The following GMPS variants were observed in gnomAD, a reference collection of about 807,000 sequenced individuals.
GMPS encodes the protein guanosine monophosphate synthase.
In GMPS, 15 loss-of-function variants were observed where a neutral mutation model predicts 77.9. The observed-to-expected ratio is 0.19, with a 90% CI of 0.13 to 0.30. GMPS has a LOEUF of 0.30. Ranked by LOEUF, GMPS falls within the 10% of genes least tolerant of loss-of-function variation. The probability of loss-of-function intolerance (pLI) is 1.00; values close to 1 mark genes in which losing one functional copy is unlikely to be tolerated. For missense variants in GMPS, 590 were observed against 838.8 expected (o/e 0.70, Z 3.66); for synonymous variants, 224 against 275.9 (o/e 0.81, Z 1.86).
At position 155,939,338 on chromosome 3, in the gene GMPS, C is replaced by T. The variant is rs1020217930; in HGVS notation, c.*1646C>T. The T allele has an allele frequency of 5.2e-5, 11 of 210,350 alleles. No homozygotes were observed. The highest frequency in any genetic ancestry group is 8.7e-5 in the Non-Finnish European group (9 of 103,838). 13.0% of individuals were successfully genotyped at this position (210,350 alleles called of 1,614,324 possible). On this transcript the variant is annotated 3_prime_UTR_variant, in exon 16 of 16. Coordinates refer to ENST00000496455, the MANE Select transcript of GMPS (RefSeq NM_003875.3). Reference sequence around the variant, plus strand: ...ATGCTTACCAACATGTGTCAGTACACGTTTATGTTTATATGAAAAAAAATT... The same window carrying T: ...ATGCTTACCAACATGTGTCAGTACATGTTTATGTTTATATGAAAAAAAATT...
At chr3:155,870,472 C>CG (rs970530046), upstream of GMPS, 2 of 198,050 alleles carry the variant, frequency 1.0e-5, no homozygotes, top group African/African-American at 4.6e-5. Flanking sequence ...GCGGGAGACC[C>CG]GGCCGGCTTT....
chr3:155,932,273 AAGTAAC>A (rs1301828977), intron 13 of GMPS, among the ~76,000 whole-genome samples: 1 of 140,550 alleles, frequency 7.1e-6, no homozygotes, highest in East Asian at 2.0e-4. Context: ...ATTACAAATA[AAGTAAC>A]ACACACACAC....
chr3:155,875,319 C>T (rs1190943827), intron 1 of GMPS, among the ~76,000 whole-genome samples: 2 of 152,162 alleles, frequency 1.3e-5, no homozygotes, highest in African/African-American at 4.8e-5. Flanking sequence ...CAACCTCCGC[C>T]TCCCAGGCTC....
At position 155,936,417 on chromosome 3, in the gene GMPS, T is replaced by C. The variant is rs1312267454; in HGVS notation, c.1887T>C (p.Pro629=). 7 of 1,608,184 alleles carry C rather than the reference T, an allele frequency of 4.4e-6. No homozygotes were observed. The highest frequency in any genetic ancestry group is 5.1e-6 in the Non-Finnish European group (6 of 1,174,816). ...ATCGGGACCCACTTCAAAAGCAGCC[T>C]TCATGCCAGAGATCTGTGGTTATTC... is the stretch of plus-strand genomic sequence containing the variant. ...HFDRDPLQKQ[P]SCQRSVVIRT... The change falls in exon 15 of 16, where the codon CCT becomes CCC. Residue 629 remains proline, a synonymous_variant. Coordinates refer to ENST00000496455, the MANE Select transcript of GMPS (RefSeq NM_003875.3).
intron 12 of GMPS, among the ~76,000 whole-genome samples, chr3:155,926,498 C>G (rs892982737): frequency 6.6e-6 from 1 of 151,880 alleles, no homozygotes; most frequent in Non-Finnish European, 1.5e-5. Context: ...TGTCCTCTTA[C>G]AGTAAAATTA....
intron 1 of GMPS, among the ~76,000 whole-genome samples, chr3:155,892,816 G>A (rs868058711): frequency 6.6e-6 from 1 of 152,178 alleles, no homozygotes; most frequent in South Asian, 2.1e-4. Flanking sequence ...ATTTTTAGTA[G>A]AGACAGGATT....
intron 1 of GMPS, among the ~76,000 whole-genome samples, chr3:155,876,732 T>C (rs752926445): frequency 9.2e-5 from 14 of 152,212 alleles, no homozygotes; most frequent in South Asian, 2.1e-4. Context: ...TATTTAAAAT[T>C]TGGCTAAAAT....
At chr3:155,913,782 A>G (rs985459357) in intron 7 of GMPS, among the ~76,000 whole-genome samples, 19 of 151,958 alleles carry the variant, frequency 1.3e-4, no homozygotes, top group African/African-American at 4.6e-4. Flanking sequence ...TGGCCTCCCA[A>G]AGTGCTGGTA....
rs573967915 is a variant in GMPS at position 155,910,102 on chromosome 3, C to T, written c.527-590C>T. Reference sequence around the variant, plus strand: ...TACTAAAAATATAAAAGAAATAAGCCGAGCGTGGTGGCACACACCTGTTGT... The same window carrying T: ...TACTAAAAATATAAAAGAAATAAGCTGAGCGTGGTGGCACACACCTGTTGT... On this transcript the variant is annotated intron_variant, in intron 5 of 15. Coordinates refer to ENST00000496455, the MANE Select transcript of GMPS (RefSeq NM_003875.3). Among the ~76,000 whole-genome samples the T allele has an allele frequency of 8.1e-5, 12 of 147,454 alleles. No homozygotes were observed. The South Asian group carries it at 1.1e-3, about 13-fold the overall frequency.
chr3:155,918,453 A>G (rs1433753341), intron 9 of GMPS, among the ~76,000 whole-genome samples: 1 of 152,188 alleles, frequency 6.6e-6, no homozygotes, highest in African/African-American at 2.4e-5. Context: ...CTCTGTCTTA[A>G]AAAAAAGTAA....
At chr3:155,905,117 GTTCAAGT>G (rs1369728931) in intron 4 of GMPS, among the ~76,000 whole-genome samples, 5 of 151,994 alleles carry the variant, frequency 3.3e-5, no homozygotes, top group Non-Finnish European at 7.4e-5. Context: ...CACCTCCCGG[GTTCAAGT>G]GATTCTCCCA....
At chr3:155,877,789 C>A (rs1754087099) in intron 1 of GMPS, among the ~76,000 whole-genome samples, 2 of 130,604 alleles carry the variant, frequency 1.5e-5, no homozygotes, top group Admixed American at 9.2e-5. Context: ...GTGTCCTCAC[C>A]TTGGGGCCTT....
chr3:155,936,277 G>A, intron 14 of GMPS, 61 bp from the exon 15 acceptor site: 1 of 1,030,908 alleles, frequency 9.7e-7, no homozygotes, highest in South Asian at 1.3e-5. Flanking sequence ...GGATTTAATT[G>A]AACTGAGTTA....
rs1188919351 is a variant in GMPS, at chr3:155,940,718, C to G, written c.*3026C>G. 1 of 207,542 alleles carries G rather than the reference C, an allele frequency of 4.8e-6. No homozygotes were observed. The highest frequency in any genetic ancestry group is 2.4e-5 in the African/African-American group (1 of 41,948). The allele number at this position is 207,542 out of a possible 1,614,324, so 12.9% of individuals were successfully genotyped here. A position where few individuals can be genotyped will look rare whatever the true frequency, so the allele number is the denominator to read the frequency against. On this transcript the variant is annotated 3_prime_UTR_variant, in exon 16 of 16. Coordinates refer to ENST00000496455, the MANE Select transcript of GMPS (RefSeq NM_003875.3). ...AAACAAGAGAAAGTAAAGCAGGAGACAGAATGGAGAAGCTGGATAGTGTTT... is the reference window on the plus strand; with the variant it reads ...AAACAAGAGAAAGTAAAGCAGGAGAGAGAATGGAGAAGCTGGATAGTGTTT...
intron 11 of GMPS, among the ~76,000 whole-genome samples, chr3:155,923,344 G>C (rs1019741990): frequency 3.3e-5 from 5 of 151,978 alleles, no homozygotes; most frequent in African/African-American, 9.7e-5. Flanking sequence ...GGAAGGATAA[G>C]GCAAGTGCTA....
At chr3:155,933,086 G>A (rs1388067415) in intron 13 of GMPS, among the ~76,000 whole-genome samples, 1 of 152,128 alleles carries the variant, frequency 6.6e-6, no homozygotes, top group Non-Finnish European at 1.5e-5. Context: ...CAGCTACTCG[G>A]GAGGCTGAGG....
In GMPS at chr3:155,900,830, G is replaced by A. The variant is rs115933689; in HGVS notation, c.324+2789G>A. Reference sequence around the variant, plus strand: ...ATAAAATAATGATATAGATGATGCCGTCTAGCTAACGTGTGTTTGTAAAGG... The same window carrying A: ...ATAAAATAATGATATAGATGATGCCATCTAGCTAACGTGTGTTTGTAAAGG... On this transcript the variant is annotated intron_variant, in intron 3 of 15. Coordinates refer to ENST00000496455, the MANE Select transcript of GMPS (RefSeq NM_003875.3). Among the ~76,000 whole-genome samples, 369 of 152,242 alleles carry A rather than the reference G, an allele frequency of 2.4e-3. 3 individuals carry two copies. Among genetic ancestry groups the A allele is most frequent in the African/African-American group, 8.5e-3 (353 of 41,538 alleles).
chr3:155,878,077 A>G (rs1329802444), intron 1 of GMPS, among the ~76,000 whole-genome samples: 1 of 152,002 alleles, frequency 6.6e-6, no homozygotes, highest in Non-Finnish European at 1.5e-5. Flanking sequence ...CCCAGCCCCT[A>G]GGGCCTCTTT....
intron 7 of GMPS, among the ~76,000 whole-genome samples, chr3:155,912,395 G>A (rs1755065028): frequency 6.6e-6 from 1 of 152,246 alleles, no homozygotes; most frequent in African/African-American, 2.4e-5. Context: ...AACATCCTGG[G>A]AAGGTCCCCA....
Sources: gnomAD v4.1 joint callset for allele counts (sites outside exome capture counted in the v4.1 genomes callset) on GRCh38, gnomAD v4.1.1 for gene constraint, MANE v1.5 for transcripts, NCBI Gene and HGNC (gene_info 2026-07-23, HGNC 2026-07-21) for gene names.